Variants in CACNA1C observed in about 807,000 individuals in gnomAD.
CACNA1C encodes calcium voltage-gated channel subunit alpha1 C.
In CACNA1C, 30 loss-of-function variants were observed where a neutral mutation model predicts 229.0. The ratio of observed to expected loss-of-function variants is 0.13; its 90% CI spans 0.10 to 0.18. The LOEUF (loss-of-function observed/expected upper bound fraction) is 0.18, where lower values mean the gene tolerates loss of function less well. Ranked by LOEUF, CACNA1C falls within the 10% of genes least tolerant of loss-of-function variation. The probability of loss-of-function intolerance (pLI) is 1.00; values close to 1 mark genes in which losing one functional copy is unlikely to be tolerated. For missense variants in CACNA1C, 1,658 were observed against 2,845.0 expected (o/e 0.58, Z 9.49); for synonymous variants, 1,114 against 1,132.5 (o/e 0.98, Z 0.33).
intron 3 of CACNA1C, among the ~76,000 whole-genome samples, chr12:2,255,820 C>T (rs949941847): frequency 6.6e-6 from 1 of 151,648 alleles, no homozygotes; most frequent in African/African-American, 2.4e-5. Flanking sequence ...TACAATCACA[C>T]GATCCTGACC....
rs549047638 is a variant in CACNA1C, at chr12:2,333,726, A to G, written c.478-115250A>G. On this transcript the variant is annotated intron_variant, in intron 3 of 46. Transcript: ENST00000399655. ...GACAGCAAGAGTGAATCAACACAAAATGAATCACACAAAGACACCATTCAC... is the reference window on the plus strand; with the variant it reads ...GACAGCAAGAGTGAATCAACACAAAGTGAATCACACAAAGACACCATTCAC... 3.3e-5 allele frequency among the ~76,000 whole-genome samples: 5 copies of G among 152,296 alleles called. No homozygotes were observed. In the East Asian group the frequency reaches 9.7e-4, roughly 29 times the overall value.
intron 1 of CACNA1C, among the ~76,000 whole-genome samples, chr12:2,069,471 CAGA>C (rs1454948722): frequency 6.6e-6 from 1 of 152,130 alleles, no homozygotes; most frequent in Non-Finnish European, 1.5e-5. Flanking sequence ...AAATAAGAAG[CAGA>C]GGAGGAGAGA....
chr12:2,403,461 A>C lies in CACNA1C; in HGVS notation c.478-45515A>C, dbSNP rs556499605. ...GAAGCTGCAGGCACGTGACTCCTGCACTGGCCTCACCTCTCACCAGCTCTG... is the reference window on the plus strand; with the variant it reads ...GAAGCTGCAGGCACGTGACTCCTGCCCTGGCCTCACCTCTCACCAGCTCTG... On this transcript the variant is annotated intron_variant, in intron 3 of 46. Coordinates refer to ENST00000399655, the MANE Select transcript of CACNA1C (RefSeq NM_000719.7). This position sits in a 1 kb window ranked among gnomAD's most constrained non-coding sequence, Gnocchi z 4.1. 6.6e-6 allele frequency among the ~76,000 whole-genome samples: 1 copy of C among 152,140 alleles called. No homozygotes were observed. The highest frequency in any genetic ancestry group is 1.5e-5 in the Non-Finnish European group (1 of 68,034).
At chr12:2,176,284 G>A (rs965146299) in intron 3 of CACNA1C, among the ~76,000 whole-genome samples, 4 of 152,100 alleles carry the variant, frequency 2.6e-5, no homozygotes, top group Non-Finnish European at 5.9e-5. Context: ...GAGCCCGTGT[G>A]GGGAAGATGG....
chr12:2,245,127 G>A (rs552744279), intron 3 of CACNA1C, among the ~76,000 whole-genome samples: 5 of 152,320 alleles, frequency 3.3e-5, no homozygotes, highest in South Asian at 2.1e-4. Flanking sequence ...TGGAGGGGCC[G>A]CGCTGATCGT....
intron 3 of CACNA1C, among the ~76,000 whole-genome samples, chr12:2,157,987 G>A (rs1400352311): frequency 2.0e-5 from 3 of 152,190 alleles, no homozygotes; most frequent in Admixed American, 6.5e-5. Flanking sequence ...CAAAATTGAA[G>A]AATATCCAAG....
At chr12:2,047,532 G>A (rs2051290121) in intron 1 of CACNA1C, among the ~76,000 whole-genome samples, 1 of 152,220 alleles carries the variant, frequency 6.6e-6, no homozygotes, top group African/African-American at 2.4e-5. Context: ...TGTATTTAAA[G>A]TGCCTATCAT....
chr12:2,190,841 G>A (rs951347827), intron 3 of CACNA1C, among the ~76,000 whole-genome samples: 3 of 152,186 alleles, frequency 2.0e-5, no homozygotes, highest in East Asian at 1.9e-4. Context: ...TACTTCTGCC[G>A]ACAGGCTGTG....
chr12:2,641,809 G>A, intron 30 of CACNA1C: 1 of 701,848 alleles, frequency 1.4e-6, no homozygotes, highest in Non-Finnish European at 2.6e-6. Flanking sequence ...CTTTTGTGAG[G>A]TCCCTCCCCA....
At chr12:2,279,683 C>T (rs750285057) in intron 3 of CACNA1C, among the ~76,000 whole-genome samples, 7 of 152,048 alleles carry the variant, frequency 4.6e-5, no homozygotes, top group Non-Finnish European at 1.0e-4. Flanking sequence ...CCTTTGTATT[C>T]TCAGGTTCTG....
chr12:2,170,452 G>A (rs2096431376), intron 3 of CACNA1C, among the ~76,000 whole-genome samples: 1 of 152,264 alleles, frequency 6.6e-6, no homozygotes, highest in South Asian at 2.1e-4. Context: ...ATGCTTGGTT[G>A]ACTGAGCCAA....
At chr12:2,487,396 T>G (rs2099701900) in intron 6 of CACNA1C, among the ~76,000 whole-genome samples, 1 of 148,972 alleles carries the variant, frequency 6.7e-6, no homozygotes, top group Non-Finnish European at 1.5e-5. Context: ...CAACAGGGAG[T>G]GAAATTCGTA....
intron 3 of CACNA1C, among the ~76,000 whole-genome samples, chr12:2,202,115 C>T (rs2154320871): frequency 6.6e-6 from 1 of 152,324 alleles, no homozygotes; most frequent in South Asian, 2.1e-4. Flanking sequence ...TTCCCCTTGC[C>T]TGAGCTGGGC....
chr12:2,343,372 G>A (rs1231638980), intron 3 of CACNA1C, among the ~76,000 whole-genome samples: 5 of 152,154 alleles, frequency 3.3e-5, no homozygotes, highest in Admixed American at 1.3e-4. Context: ...AAGCAAGGAG[G>A]AAGGGTAACA....
At chr12:2,234,538 T>C (rs748582373) in intron 3 of CACNA1C, among the ~76,000 whole-genome samples, 1 of 152,186 alleles carries the variant, frequency 6.6e-6, no homozygotes, top group Non-Finnish European at 1.5e-5. Context: ...TGCAGGCTCC[T>C]CAACAGCCTG....
At chr12:2,483,776 G>T (rs1238267493) in intron 5 of CACNA1C, among the ~76,000 whole-genome samples, 1 of 152,056 alleles carries the variant, frequency 6.6e-6, no homozygotes, top group Non-Finnish European at 1.5e-5. Flanking sequence ...TGGCATCTCT[G>T]ACAGCTGAAA....
In CACNA1C at chr12:2,285,507, A is replaced by G. The variant is rs910045711; in HGVS notation, c.478-163469A>G. On this transcript the variant is annotated intron_variant, in intron 3 of 46. Transcript: ENST00000399655. The surrounding 1 kb of genome is among the most constrained non-coding windows in gnomAD (Gnocchi z 4.2). ...CCATAGCCTGTGCCGGCTACAACTC[A>G]GGAGCTTTTGGAACTTAGGAGCTCT... is the stretch of plus-strand genomic sequence containing the variant. Among the ~76,000 whole-genome samples the G allele has an allele frequency of 2.0e-5, 3 of 152,126 alleles. No individual in the cohort carries two copies. The highest frequency in any genetic ancestry group is 6.5e-5 in the Admixed American group (1 of 15,272).
chr12:2,381,419 G>GT (rs1454059070), intron 3 of CACNA1C, among the ~76,000 whole-genome samples: 1 of 152,212 alleles, frequency 6.6e-6, no homozygotes, highest in African/African-American at 2.4e-5. Context: ...CAGCATTCAG[G>GT]TTGTAGAGAC....
intron 3 of CACNA1C, among the ~76,000 whole-genome samples, chr12:2,368,877 T>C (rs2097783012): frequency 6.6e-6 from 1 of 152,186 alleles, no homozygotes; most frequent in African/African-American, 2.4e-5. Context: ...AGATATGTCA[T>C]GAGCACAGTG....
Sources: allele counts gnomAD v4.1 joint callset (sites outside exome capture counted in the v4.1 genomes callset), GRCh38; gene constraint gnomAD v4.1.1; non-coding constraint Gnocchi (gnomAD v3.1); transcripts MANE v1.5; gene names NCBI Gene and HGNC (gene_info 2026-07-23, HGNC 2026-07-21).